SIRT3: variants seen among roughly 807,000 people sequenced by gnomAD.
SIRT3 encodes sirtuin 3, also known as NAD-dependent protein deacetylase sirtuin-3, mitochondrial.
Under a neutral mutation model 33.5 loss-of-function variants are expected in SIRT3, and 26 were observed. The ratio of observed to expected loss-of-function variants is 0.78; its 90% CI spans 0.57 to 1.08. The LOEUF (loss-of-function observed/expected upper bound fraction) is 1.08. SIRT3 is among the 50% of genes least tolerant of loss of function. The pLI, the probability that SIRT3 is intolerant of heterozygous loss-of-function variation, is 0.00. For synonymous variants in SIRT3, 237 were observed against 222.1 expected (o/e 1.07, Z -0.60); for missense variants, 585 against 530.1 (o/e 1.10, Z -1.02).
At chr11:231,879 C>T (rs1283534478) in intron 3 of SIRT3, among the ~76,000 whole-genome samples, 3 of 151,710 alleles carry the variant, frequency 2.0e-5, no homozygotes, top group African/African-American at 7.3e-5. Flanking sequence ...AGCCTGGCTC[C>T]CGGAGAGCTG....
chr11:216,670 C>A lies in SIRT3; in HGVS notation c.*28G>T, dbSNP rs1214673197. 6.2e-7 allele frequency: 1 copy of A among 1,613,610 alleles called. No homozygotes were observed. Among genetic ancestry groups the A allele is most frequent in the Non-Finnish European group, 8.5e-7 (1 of 1,179,618 alleles). ...GGGATGTGGATGTCTCCTATGTTAC[C>A]ATTTATTGTGTGGGGGCAGCCATCA... is the stretch of plus-strand genomic sequence containing the variant. On this transcript the variant is annotated 3_prime_UTR_variant, in exon 7 of 7. Coordinates refer to ENST00000382743, the MANE Select transcript of SIRT3 (RefSeq NM_012239.6).
chr11:228,946 C>A lies in SIRT3; in HGVS notation c.807+1506G>T, dbSNP rs145892117. Among the ~76,000 whole-genome samples, 43 of 152,236 alleles carry A rather than the reference C, an allele frequency of 2.8e-4. 2 individuals carry two copies. The highest frequency in any genetic ancestry group is 8.9e-4 in the African/African-American group (37 of 41,544). On this transcript the variant is annotated intron_variant, in intron 4 of 6. Coordinates refer to ENST00000382743, the MANE Select transcript of SIRT3 (RefSeq NM_012239.6). ...TCAATCTCCAAAGATATACAAATGG[C>A]CAAAAAGCACATGGAAAGATGTTTG...
chr11:236,406 C>G (rs1331412070), upstream of SIRT3: 2 of 562,014 alleles, frequency 3.6e-6, no homozygotes, highest in South Asian at 8.4e-5. Context: ...CCCACCCCCG[C>G]CCCCGGCGCC....
intron 4 of SIRT3, among the ~76,000 whole-genome samples, chr11:224,574 AC>A (rs1419722319): frequency 1.3e-5 from 2 of 152,170 alleles, no homozygotes; most frequent in African/African-American, 4.8e-5. Context: ...CTAAGGAAAC[AC>A]CTGGTAGACC....
At chr11:232,149 CCT>C (rs1858131949) in intron 3 of SIRT3, among the ~76,000 whole-genome samples, 1 of 151,610 alleles carries the variant, frequency 6.6e-6, no homozygotes, top group African/African-American at 2.4e-5. Flanking sequence ...ACAGAATCTC[CCT>C]CTGTCGCCCA....
intron 5 of SIRT3, 133 bp from the exon 6 acceptor site, chr11:219,174 AC>A: frequency 8.8e-7 from 1 of 1,137,466 alleles, no homozygotes; most frequent in Non-Finnish European, 1.2e-6. Context: ...GGGAAAACCC[AC>A]CACCAATCTC....
chr11:218,741 T>A (rs1465869952), intron 6 of SIRT3, 91 bp downstream of exon 6: 1 of 1,571,584 alleles, frequency 6.4e-7, no homozygotes, highest in African/African-American at 1.5e-5. Context: ...ACTGTTACTG[T>A]GTTAACCAAC....
chr11:219,075 T>A, intron 5 of SIRT3, 34 bp from the exon 6 acceptor site: 1 of 1,578,520 alleles, frequency 6.3e-7, no homozygotes, highest in Non-Finnish European at 8.6e-7. Flanking sequence ...GGGCACAGTG[T>A]CCACTTTACA....
Position 233,005 on chromosome 11 carries a change from C to A in SIRT3, c.684G>T (p.Gln228His). Residue 228 changes from glutamine to histidine, a missense_variant, in exon 3 of 7, where the codon CAG (glutamine) becomes CAT (histidine). Transcript: ENST00000382743. Reference protein sequence around the residue: ...DKGLLLRLYTQNIDGLERVSG... With the variant: ...DKGLLLRLYTHNIDGLERVSG... ...CACCTCTCTCAAGCCCATCGATGTTCTGCGTGTAGAGCCGCAGAAGCAGCC... is the reference window on the plus strand; with the variant it reads ...CACCTCTCTCAAGCCCATCGATGTTATGCGTGTAGAGCCGCAGAAGCAGCC... 1 of 1,614,184 alleles carries A rather than the reference C, an allele frequency of 6.2e-7. No homozygotes were observed. Among genetic ancestry groups the A allele is most frequent in the South Asian group, 1.1e-5 (1 of 91,066 alleles).
At chr11:219,600 T>G (rs1856150938) in intron 5 of SIRT3, among the ~76,000 whole-genome samples, 1 of 121,062 alleles carries the variant, frequency 8.3e-6, no homozygotes. Flanking sequence ...TCTCAAAGCT[T>G]CTTTTAAGAG....
chr11:223,636 T>A lies in SIRT3; in HGVS notation c.969+442A>T. 2 of 436,792 alleles carry A rather than the reference T, an allele frequency of 4.6e-6. No homozygotes were observed. The highest frequency in any genetic ancestry group is 5.4e-5 in the East Asian group (1 of 18,502). The allele number at this position is 436,792 out of a possible 1,614,324, so 27.1% of individuals were successfully genotyped here. A position where few individuals can be genotyped will look rare whatever the true frequency, so the allele number is the denominator to read the frequency against. On this transcript the variant is annotated intron_variant, in intron 5 of 6. Transcript: ENST00000382743. This position sits in a 1 kb window ranked among gnomAD's most constrained non-coding sequence, Gnocchi z 4.8. ...CCCACACCCCCATCCTTCTCCCTTCTCCTCACACGTGGTGCCCCACCCACA... is the reference window on the plus strand; with the variant it reads ...CCCACACCCCCATCCTTCTCCCTTCACCTCACACGTGGTGCCCCACCCACA...
intron 5 of SIRT3, among the ~76,000 whole-genome samples, chr11:219,679 A>G (rs1856162805): frequency 7.3e-6 from 1 of 136,336 alleles, no homozygotes; most frequent in African/African-American, 2.9e-5. Context: ...GGAGGAAAAT[A>G]CTCCATTCCT....
rs377446199 is a variant in SIRT3, at chr11:230,493, A to T, written c.766T>A (p.Cys256Ser). 6 of 1,540,496 alleles carry T rather than the reference A, an allele frequency of 3.9e-6. No individual in the cohort carries two copies. The highest frequency in any genetic ancestry group is 2.0e-5 in the Admixed American group (1 of 49,118). ...GGGAAGGGTCTTTGGCAGACTGTGC[A>T]GGTGGCAGAGGCAAAGGTTCCATGA... ...EAHGTFASAT[C>S]TVCQRPFPGE... is the part of the protein sequence containing the mutation. The change falls in exon 4 of 7, where the codon TGC (cysteine) becomes AGC (serine). Residue 256 changes from cysteine to serine, a missense_variant. Transcript: ENST00000382743.
chr11:226,751 A>T (rs77432937), intron 4 of SIRT3, among the ~76,000 whole-genome samples: 21,397 of 88,500 alleles, frequency 0.24, 2,120 homozygotes, highest in Non-Finnish European at 0.28. Context: ...TACAATTATT[A>T]TTATTATTTT....
chr11:219,794 T>C (rs1356064778), intron 5 of SIRT3, among the ~76,000 whole-genome samples: 2 of 152,106 alleles, frequency 1.3e-5, no homozygotes, highest in African/African-American at 4.8e-5. Context: ...AAGAACGTTC[T>C]AGGCGTAAAA....
rs1794096 is a variant in SIRT3, at chr11:232,975, G to A, written c.706+8C>T. ...AAAAAGAATGTGTGCGACTCACAGA[G>A]GGCTCACCTCTCTCAAGCCCATCGA... On this transcript the variant is annotated splice_region_variant and intron_variant, in intron 3 of 6. Transcript: ENST00000382743. The A allele has an allele frequency of 3.1e-6, 5 of 1,613,130 alleles. No individual in the cohort carries two copies. Among genetic ancestry groups the A allele is most frequent in the Non-Finnish European group, 3.4e-6 (4 of 1,179,182 alleles).
At position 236,102 on chromosome 11, in the gene SIRT3, G is replaced by A. The variant is rs1859036840; in HGVS notation, c.227C>T (p.Pro76Leu). 1 of 1,579,186 alleles carries A rather than the reference G, an allele frequency of 6.3e-7. No individual in the cohort carries two copies. The change falls in exon 1 of 7, where the codon CCC becomes CTC. Residue 76 changes from proline (P) to leucine (L), a missense_variant. Pro to Leu is a moderately conservative substitution (Grantham distance 98). Transcript: ENST00000382743. ...PLQRPPRPEV[P>L]RAFRRQPRAA... Reference sequence around the variant, plus strand: ...CCTCGGCTGCCTCCGGAATGCCCTGGGCACCTCGGGTCTGGGAGGCCTCTG... The same window carrying A: ...CCTCGGCTGCCTCCGGAATGCCCTGAGCACCTCGGGTCTGGGAGGCCTCTG...
upstream of SIRT3, chr11:236,826 C>T: frequency 3.4e-6 from 2 of 581,064 alleles, no homozygotes; most frequent in Non-Finnish European, 6.1e-6. Flanking sequence ...CTCAATGGCA[C>T]AGCCAAGTGC....
At chr11:236,913 C>A (rs1363861679), upstream of SIRT3, 3 of 724,056 alleles carry the variant, frequency 4.1e-6, no homozygotes, top group East Asian at 2.8e-5. Flanking sequence ...ACCAGCGGGG[C>A]CCGCCCCCGG....
Sources: allele counts gnomAD v4.1 joint callset (sites outside exome capture counted in the v4.1 genomes callset), GRCh38; gene constraint gnomAD v4.1.1; non-coding constraint Gnocchi (gnomAD v3.1); transcripts MANE v1.5; gene names NCBI Gene and HGNC (gene_info 2026-07-23, HGNC 2026-07-21).